The following SNRPA1 variants were observed in gnomAD, a reference collection of about 807,000 sequenced individuals.
SNRPA1 encodes U2 small nuclear ribonucleoprotein A'.
A neutral mutation model predicts 32.3 loss-of-function variants in SNRPA1; 5 were observed. The observed-to-expected ratio is 0.15, with a 90% CI of 0.08 to 0.33. SNRPA1 has a LOEUF of 0.33. SNRPA1 is among the 10% of genes least tolerant of loss of function. The probability of loss-of-function intolerance (pLI) is 1.00; values close to 1 mark genes in which losing one functional copy is unlikely to be tolerated. For missense variants in SNRPA1, 198 were observed against 311.1 expected (o/e 0.64, Z 2.74); for synonymous variants, 111 against 120.1 (o/e 0.92, Z 0.50).
At chr15:101,293,590 C>T (rs181236292) in intron 1 of SNRPA1, among the ~76,000 whole-genome samples, 3 of 152,292 alleles carry the variant, frequency 2.0e-5, no homozygotes, top group East Asian at 3.9e-4. Context: ...CGACAGTTCT[C>T]CACTCTTGCA....
At chr15:101,293,579 A>G (rs952028569) in intron 1 of SNRPA1, among the ~76,000 whole-genome samples, 5 of 152,198 alleles carry the variant, frequency 3.3e-5, no homozygotes, top group Non-Finnish European at 7.3e-5. Context: ...AACATTGTGG[A>G]CGACAGTTCT....
chr15:101,293,625 C>T (rs1044362161), intron 1 of SNRPA1, among the ~76,000 whole-genome samples: 1 of 152,188 alleles, frequency 6.6e-6, no homozygotes, highest in Non-Finnish European at 1.5e-5. Context: ...ATTCTTAGAA[C>T]CCATCAGAAC....
chr15:101,293,724 T>C (rs2039554069), intron 1 of SNRPA1, among the ~76,000 whole-genome samples: 1 of 152,222 alleles, frequency 6.6e-6, no homozygotes, highest in Non-Finnish European at 1.5e-5. Flanking sequence ...GTAATAAATC[T>C]GTGAACACTC....
chr15:101,285,156 C>A, intron 7 of SNRPA1, 96 bp from the exon 8 acceptor site: 1 of 784,848 alleles, frequency 1.3e-6, no homozygotes. Flanking sequence ...AAATTCACAG[C>A]AACTTCTCCA....
At chr15:101,281,914 G>T in intron 8 of SNRPA1, 132 bp from the exon 9 acceptor site, 1 of 802,886 alleles carries the variant, frequency 1.2e-6, no homozygotes, top group Non-Finnish European at 2.1e-6. Context: ...AGCAGCACCT[G>T]CCTTTGAGGA....
In SNRPA1 at chr15:101,281,875, C is replaced by T. The variant is rs1241021639; in HGVS notation, c.710-93G>A. ...TTTGTTCTGTGGCCACTGTTTGTTA[C>T]ACACTGAAGTAGGTACAAAAAGATC... On this transcript the variant is annotated intron_variant, in intron 8 of 8. Coordinates refer to ENST00000254193, the MANE Select transcript of SNRPA1 (RefSeq NM_003090.4). 6 of 1,178,606 alleles carry T rather than the reference C, an allele frequency of 5.1e-6. No homozygotes were observed. In the East Asian group the frequency reaches 1.2e-4, roughly 23 times the overall value. The allele number at this position is 1,178,606 out of a possible 1,614,324, so 73.0% of individuals were successfully genotyped here. A position where few individuals can be genotyped will look rare whatever the true frequency, so the allele number is the denominator to read the frequency against.
At chr15:101,286,116 C>CA (rs1372143374) in intron 6 of SNRPA1, 98 bp downstream of exon 6, 1 of 956,514 alleles carries the variant, frequency 1.0e-6, no homozygotes, top group East Asian at 2.6e-5. Context: ...ATTAATATGT[C>CA]AGAGTTTTTG....
chr15:101,282,745 C>T (rs886166886), intron 8 of SNRPA1, among the ~76,000 whole-genome samples: 10 of 152,190 alleles, frequency 6.6e-5, no homozygotes, highest in African/African-American at 9.6e-5. Context: ...CCCATTAATT[C>T]ACATGCACAT....
intron 1 of SNRPA1, chr15:101,294,863 T>A: frequency 2.4e-6 from 1 of 421,478 alleles, no homozygotes; most frequent in Non-Finnish European, 4.2e-6. Context: ...AGTAATGAAG[T>A]CACCCGTGCC....
At chr15:101,286,102 C>T in intron 6 of SNRPA1, 112 bp downstream of exon 6, 1 of 848,824 alleles carries the variant, frequency 1.2e-6, no homozygotes. Context: ...AAATTTAATA[C>T]CACATTAATA....
At chr15:101,283,205 C>G (rs1481755999) in intron 8 of SNRPA1, among the ~76,000 whole-genome samples, 1 of 152,156 alleles carries the variant, frequency 6.6e-6, no homozygotes, top group African/African-American at 2.4e-5. Context: ...ATTGCTCCAT[C>G]AGTGCAAATG....
intron 5 of SNRPA1, 47 bp downstream of exon 5, chr15:101,286,861 A>G: frequency 1.0e-6 from 1 of 958,934 alleles, no homozygotes; most frequent in Non-Finnish European, 1.6e-6. Context: ...ATATAAAGAA[A>G]AACACACAAC....
At chr15:101,291,867 T>C (rs2039530164) in intron 3 of SNRPA1, 95 bp downstream of exon 3, 2 of 745,476 alleles carry the variant, frequency 2.7e-6, no homozygotes, top group Non-Finnish European at 4.6e-6. Context: ...AAGAGGATAC[T>C]GAGATCATTT....
intron 3 of SNRPA1, among the ~76,000 whole-genome samples, chr15:101,289,169 T>A (rs1284780811): frequency 6.6e-6 from 1 of 152,192 alleles, no homozygotes; most frequent in East Asian, 1.9e-4. Context: ...AAGAACAAAG[T>A]GGTAACATTT....
intron 8 of SNRPA1, 137 bp downstream of exon 8, chr15:101,284,830 T>G: frequency 1.4e-6 from 1 of 708,906 alleles, no homozygotes; most frequent in Admixed American, 1.9e-5. Flanking sequence ...CAAAGAGCAT[T>G]TAAAGAGATT....
At position 101,292,039 on chromosome 15, in the gene SNRPA1, G is replaced by C; in HGVS notation, c.232C>G (p.Arg78Gly). The change falls in exon 3 of 9, where the codon CGT becomes GGT. Residue 78 changes from arginine to glycine, a missense_variant and splice_region_variant. Arg to Gly is a moderately radical substitution (Grantham distance 125). Coordinates refer to ENST00000254193, the MANE Select transcript of SNRPA1 (RefSeq NM_003090.4). ...TLLVNNNRIC[R>G]IGEGLDQALP... Reference sequence around the variant, plus strand: ...GCCTGATCAAGTCCCTCACCTATACGGCTAAAATAAAAATAGAGTCTTAGT... The same window carrying C: ...GCCTGATCAAGTCCCTCACCTATACCGCTAAAATAAAAATAGAGTCTTAGT... 1.2e-6 allele frequency: 2 copies of C among 1,604,302 alleles called. No homozygotes were observed. Among genetic ancestry groups the C allele is most frequent in the Non-Finnish European group, 1.7e-6 (2 of 1,171,622 alleles).
chr15:101,293,360 A>C, intron 1 of SNRPA1, 188 bp from the exon 2 acceptor site: 1 of 460,214 alleles, frequency 2.2e-6, no homozygotes, highest in Non-Finnish European at 4.0e-6. Context: ...ACGCTGAACG[A>C]GTCTCAAGTC....
At chr15:101,290,000 G>A (rs1388631272) in intron 3 of SNRPA1, 1 of 149,570 alleles carries the variant, frequency 6.7e-6, no homozygotes, top group Non-Finnish European at 1.5e-5. Flanking sequence ...CAGACAAGCT[G>A]AAAGTAAATT....
chr15:101,292,918 A>T (rs1211360100), intron 2 of SNRPA1, 107 bp downstream of exon 2: 4 of 605,022 alleles, frequency 6.6e-6, no homozygotes, highest in Non-Finnish European at 1.0e-5. Flanking sequence ...AAAGAAAAAG[A>T]AAAAGAAACA....
Sources: gnomAD v4.1 joint callset for allele counts (sites outside exome capture counted in the v4.1 genomes callset) on GRCh38, gnomAD v4.1.1 for gene constraint, MANE v1.5 for transcripts, NCBI Gene and HGNC (gene_info 2026-07-23, HGNC 2026-07-21) for gene names.